The following CTBP1 variants were observed in gnomAD, a reference collection of about 807,000 sequenced individuals.
CTBP1 encodes the protein C-terminal binding protein 1, also known as C-terminal-binding protein 1.
A neutral mutation model predicts 42.1 loss-of-function variants in CTBP1; 11 were observed. That is an observed-to-expected ratio of 0.26 (90% confidence interval 0.16 to 0.43). The LOEUF is 0.43. Ranked by LOEUF, CTBP1 falls within the 20% of genes least tolerant of loss-of-function variation. The pLI, the probability that CTBP1 is intolerant of heterozygous loss-of-function variation, is 1.00. For synonymous variants in CTBP1, 324 were observed against 277.1 expected (o/e 1.17, Z -1.68); for missense variants, 399 against 624.3 (o/e 0.64, Z 3.85).
rs1730596950 is a variant in CTBP1 at position 1,228,272 on chromosome 4, G to A, written c.234C>T (p.Phe78=). 2 of 1,614,060 alleles carry A rather than the reference G, an allele frequency of 1.2e-6. No individual in the cohort carries two copies. Among genetic ancestry groups the A allele is most frequent in the Admixed American group, 1.7e-5 (1 of 60,000 alleles). ...ITLTREDLEK[F]KALRIIVRIG... ...TCCGGACGATGATGCGGAGGGCTTT[G>A]AACTTCTCCAGGTCCTCCCTGGTGA... The change falls in exon 4 of 10, where the codon TTC becomes TTT. Residue 78 remains phenylalanine (F), a synonymous_variant. Transcript: ENST00000382952.
At chr4:1,226,222 G>A (rs1287904209) in intron 4 of CTBP1, among the ~76,000 whole-genome samples, 5 of 152,064 alleles carry the variant, frequency 3.3e-5, no homozygotes, top group Non-Finnish European at 7.4e-5. Context: ...CCCAGCCAGT[G>A]CCCCTCCCTG....
At chr4:1,239,501 CGCCCCATCCGCT>C (rs984558736) in intron 2 of CTBP1, among the ~76,000 whole-genome samples, 3 of 152,228 alleles carry the variant, frequency 2.0e-5, no homozygotes, top group East Asian at 3.9e-4. Context: ...CCCAGTCTCC[CGCCCCATCCGCT>C]GCCCCATCCG....
intron 2 of CTBP1, among the ~76,000 whole-genome samples, chr4:1,241,029 C>T (rs974490403): frequency 6.6e-6 from 1 of 152,204 alleles, no homozygotes; most frequent in East Asian, 1.9e-4. Flanking sequence ...CTCGTGCTGG[C>T]GGCCTCCACA....
Position 1,211,602 on chromosome 4 carries a change from G to A in CTBP1, c.*638C>T, listed in dbSNP as rs529712088. The A allele has an allele frequency of 5.9e-5, 9 of 152,478 alleles. No homozygotes were observed. Among genetic ancestry groups the A allele is most frequent in the South Asian group, 2.1e-4 (1 of 4,822 alleles). The allele number at this position is 152,478 out of a possible 1,614,324, so 9.4% of individuals were successfully genotyped here. ...CACCCTCCACGTCCCCAGGACAGAC[G>A]TCGATGGGCAGCGGGCACGCTGGGC... On this transcript the variant is annotated 3_prime_UTR_variant, in exon 10 of 10. Coordinates refer to ENST00000382952, the MANE Select transcript of CTBP1 (RefSeq NM_001012614.2).
chr4:1,243,508 T>C, intron 1 of CTBP1: 2 of 985,372 alleles, frequency 2.0e-6, no homozygotes, highest in Non-Finnish European at 2.4e-6. Flanking sequence ...TCCAGGGACC[T>C]CTGTCTCAGA....
chr4:1,228,895 C>T (rs540347341), intron 3 of CTBP1, among the ~76,000 whole-genome samples: 2 of 152,354 alleles, frequency 1.3e-5, no homozygotes, highest in African/African-American at 4.8e-5. Flanking sequence ...GATACATCCA[C>T]AGGAGCATGC....
rs1731828417 is a variant in CTBP1, at chr4:1,238,622, AGGCCCCTCC to A, written c.8-294_8-286del. Among the ~76,000 whole-genome samples the A allele has an allele frequency of 6.7e-6, 1 of 150,224 alleles. No individual in the cohort carries two copies. The highest frequency in any genetic ancestry group is 6.6e-5 in the Admixed American group (1 of 15,104). ...TCCAAGTCCCCTCCGAGACCCTCCA[AGGCCCCTCC>A]GAGATCCTCCCAGACCCTCTGAGAC... On this transcript the variant is annotated intron_variant, in intron 2 of 9. Transcript: ENST00000382952. The surrounding 1 kb of genome is among the most constrained non-coding windows in gnomAD (Gnocchi z 5.9).
At chr4:1,242,542 A>C in intron 1 of CTBP1, 1 of 985,182 alleles carries the variant, frequency 1.0e-6, no homozygotes, top group Non-Finnish European at 1.2e-6. Flanking sequence ...GCAGGATTCA[A>C]GCATACATGC....
intron 3 of CTBP1, chr4:1,232,808 G>A (rs1216538059): frequency 6.6e-6 from 1 of 152,194 alleles, no homozygotes; most frequent in Non-Finnish European, 1.5e-5. Context: ...CATCTGTGGT[G>A]GGGGGAGCTG....
rs1730602020 is a variant in CTBP1 at position 1,228,341 on chromosome 4, G to A, written c.165C>T (p.Val55=). The A allele has an allele frequency of 6.2e-7, 1 of 1,612,728 alleles. No homozygotes were observed. Among genetic ancestry groups the A allele is most frequent in the African/African-American group, 1.3e-5 (1 of 74,902 alleles). ...TCAGGGCCCCCACAGCCTCGTTCAG[G>A]ACCTGCAGCGAGAAAGCACACAGGC... ...AQSTQEIHEK[V]LNEAVGALMY... is the part of the protein sequence containing the mutation. The change falls in exon 4 of 10, where the codon GTC becomes GTT. Residue 55 remains valine, a splice_region_variant and synonymous_variant. Transcript: ENST00000382952.
At chr4:1,239,870 C>A (rs1731978187) in intron 2 of CTBP1, among the ~76,000 whole-genome samples, 4 of 152,228 alleles carry the variant, frequency 2.6e-5, no homozygotes, top group Non-Finnish European at 4.4e-5. Context: ...TTCCTTCATT[C>A]CCTCTGGACG....
At chr4:1,248,460 C>A (rs1303457697) in intron 1 of CTBP1, among the ~76,000 whole-genome samples, 3 of 150,376 alleles carry the variant, frequency 2.0e-5, no homozygotes, top group African/African-American at 7.3e-5. Flanking sequence ...CCCGGGAGCG[C>A]GCGCCCCAGG....
chr4:1,236,390 C>T (rs111668459), intron 3 of CTBP1: 113 of 528,144 alleles, frequency 2.1e-4, no homozygotes, highest in African/African-American at 1.8e-3. Flanking sequence ...GCGGGCAATG[C>T]CGAGACCGCC....
At chr4:1,232,635 G>A (rs181604944) in intron 3 of CTBP1, among the ~76,000 whole-genome samples, 1 of 152,152 alleles carries the variant, frequency 6.6e-6, no homozygotes, top group Non-Finnish European at 1.5e-5. Flanking sequence ...ACTTCTAATT[G>A]CCATTTAATT....
chr4:1,242,554 G>C, intron 1 of CTBP1: 3 of 985,350 alleles, frequency 3.0e-6, no homozygotes, highest in Non-Finnish European at 3.6e-6. Context: ...CATACATGCC[G>C]ACCATCTCCA....
intron 5 of CTBP1, 137 bp from the exon 6 acceptor site, chr4:1,216,342 A>G (rs1729111982): frequency 1.1e-6 from 1 of 878,362 alleles, no homozygotes. Flanking sequence ...GGTCAAGCCA[A>G]GGTGCCCACG....
rs1013714551 is a variant in CTBP1 at position 1,242,281 on chromosome 4, T to G, written c.-188-762A>C. On this transcript the variant is annotated intron_variant, in intron 1 of 9. Transcript: ENST00000382952. ...AGCCCTCGGGAGGGTGTCACTGAGC[T>G]GCCCACACCTGGCCCCTGCTCTGGC... 7.1e-6 allele frequency: 7 copies of G among 985,288 alleles called. No homozygotes were observed. In the Admixed American group the frequency reaches 4.3e-4, roughly 61 times the overall value. 61.0% of individuals were successfully genotyped at this position (985,288 alleles called of 1,614,324 possible). A position where few individuals can be genotyped will look rare whatever the true frequency, so the allele number is the denominator to read the frequency against.
At chr4:1,229,496 G>A (rs537930288) in intron 3 of CTBP1, among the ~76,000 whole-genome samples, 4 of 152,332 alleles carry the variant, frequency 2.6e-5, no homozygotes, top group Non-Finnish European at 5.9e-5. Flanking sequence ...CCTGTCCAGC[G>A]GGGCCCCAGG....
intron 1 of CTBP1, chr4:1,241,888 A>C: frequency 9.4e-7 from 1 of 1,067,412 alleles, no homozygotes; most frequent in Non-Finnish European, 1.1e-6. Flanking sequence ...GTGGGCAGGG[A>C]AACTGCGGAA....
Sources: allele counts gnomAD v4.1 joint callset (sites outside exome capture counted in the v4.1 genomes callset), GRCh38; gene constraint gnomAD v4.1.1; non-coding constraint Gnocchi (gnomAD v3.1); transcripts MANE v1.5; gene names NCBI Gene and HGNC (gene_info 2026-07-23, HGNC 2026-07-21).